Variants in CTDSPL2 observed in about 807,000 individuals in gnomAD.
CTDSPL2 encodes the protein CTD small phosphatase-like protein 2.
A neutral mutation model predicts 60.0 loss-of-function variants in CTDSPL2; 5 were observed. The ratio of observed to expected loss-of-function variants is 0.08; its 90% confidence interval spans 0.04 to 0.18. The LOEUF (loss-of-function observed/expected upper bound fraction) is 0.18. Among genes scored for constraint, CTDSPL2 ranks in the 10% least tolerant of loss-of-function variants. The pLI, the probability that CTDSPL2 is intolerant of heterozygous loss-of-function variation, is 1.00. For synonymous variants in CTDSPL2, 186 were observed against 189.3 expected (o/e 0.98, Z 0.14); for missense variants, 370 against 548.8 (o/e 0.67, Z 3.26).
intron 2 of CTDSPL2, among the ~76,000 whole-genome samples, chr15:44,483,651 TA>T (rs2081069702): frequency 6.6e-6 from 1 of 152,184 alleles, no homozygotes; most frequent in Non-Finnish European, 1.5e-5. Context: ...AAGAATAGTA[TA>T]AACTGGTCAT....
At chr15:44,445,879 C>G (rs2080201747) in intron 1 of CTDSPL2, among the ~76,000 whole-genome samples, 2 of 150,970 alleles carry the variant, frequency 1.3e-5, no homozygotes, top group South Asian at 4.2e-4. Flanking sequence ...CTTCATGATC[C>G]ACCTGCCTCG....
At chr15:44,496,519 T>G in intron 6 of CTDSPL2, 61 bp downstream of exon 6, 1 of 1,259,490 alleles carries the variant, frequency 7.9e-7, no homozygotes, top group Non-Finnish European at 1.2e-6. Context: ...GTACGTTATA[T>G]ATGTGGATTG....
In CTDSPL2 at chr15:44,468,075, G is replaced by A. The variant is rs190976761; in HGVS notation, c.186+8875G>A. 4.5e-3 allele frequency among the ~76,000 whole-genome samples: 683 copies of A among 152,094 alleles called. 4 individuals are homozygous for A. Among genetic ancestry groups the A allele is most frequent in the African/African-American group, 0.016 (649 of 41,486 alleles). On this transcript the variant is annotated intron_variant, in intron 2 of 12. Coordinates refer to ENST00000260327, the MANE Select transcript of CTDSPL2 (RefSeq NM_016396.3). ...AAGCTGGTGCCATAAAACAAGTTGA[G>A]GACTGTTCCTCCTCTTCTGAAAGAG... is the stretch of plus-strand genomic sequence containing the variant.
At chr15:44,452,404 A>G (rs1401948268) in intron 1 of CTDSPL2, among the ~76,000 whole-genome samples, 1 of 152,196 alleles carries the variant, frequency 6.6e-6, no homozygotes, top group East Asian at 1.9e-4. Flanking sequence ...ATTCACTTAC[A>G]TGAAAACACC....
chr15:44,468,027 T>C (rs1212423456), intron 2 of CTDSPL2, among the ~76,000 whole-genome samples: 1 of 152,176 alleles, frequency 6.6e-6, no homozygotes, highest in Non-Finnish European at 1.5e-5. Flanking sequence ...TTTGTAATGT[T>C]TTTAAATTTT....
intron 1 of CTDSPL2, among the ~76,000 whole-genome samples, chr15:44,449,640 T>G (rs1356330925): frequency 1.3e-5 from 2 of 151,806 alleles, no homozygotes; most frequent in African/African-American, 2.4e-5. Context: ...CTCAGTTCAG[T>G]ATAAGGAAGT....
chr15:44,438,031 G>C (rs541450059), intron 1 of CTDSPL2, among the ~76,000 whole-genome samples: 1 of 152,118 alleles, frequency 6.6e-6, no homozygotes, highest in Non-Finnish European at 1.5e-5. Flanking sequence ...TTGGGAGGCC[G>C]AGGCAGGTGG....
intron 2 of CTDSPL2, among the ~76,000 whole-genome samples, chr15:44,479,967 A>G (rs1224989960): frequency 6.6e-6 from 1 of 152,068 alleles, no homozygotes; most frequent in Non-Finnish European, 1.5e-5. Flanking sequence ...GTGTTTTTAA[A>G]TATTGGTGAT....
chr15:44,515,419 C>T (rs80314078), intron 10 of CTDSPL2, among the ~76,000 whole-genome samples: 3 of 152,126 alleles, frequency 2.0e-5, no homozygotes, highest in East Asian at 3.9e-4. Flanking sequence ...GTGGGAGTGC[C>T]GTGGTGATTT....
chr15:44,485,290 C>T (rs532726300), intron 3 of CTDSPL2, among the ~76,000 whole-genome samples: 46 of 152,284 alleles, frequency 3.0e-4, no homozygotes, highest in African/African-American at 1.1e-3. Flanking sequence ...AGAAACTCCT[C>T]AAAGTCAAAA....
chr15:44,470,834 A>T (rs985491221), intron 2 of CTDSPL2, among the ~76,000 whole-genome samples: 4 of 151,982 alleles, frequency 2.6e-5, no homozygotes, highest in Admixed American at 6.6e-5. Context: ...TGTATTCTGG[A>T]TTTGTCCCAT....
chr15:44,504,992 C>T (rs1287639568), intron 8 of CTDSPL2, among the ~76,000 whole-genome samples: 1 of 152,002 alleles, frequency 6.6e-6, no homozygotes, highest in Non-Finnish European at 1.5e-5. Flanking sequence ...ATTTTTTCAT[C>T]ATAATTATTC....
intron 1 of CTDSPL2, among the ~76,000 whole-genome samples, chr15:44,451,599 CCT>C (rs1295651355): frequency 6.6e-6 from 1 of 152,028 alleles, no homozygotes; most frequent in Non-Finnish European, 1.5e-5. Flanking sequence ...AGTTTTTCCC[CCT>C]GAGTTTGGGT....
intron 8 of CTDSPL2, among the ~76,000 whole-genome samples, chr15:44,502,515 T>C (rs1255051366): frequency 1.3e-5 from 2 of 152,184 alleles, no homozygotes; most frequent in African/African-American, 4.8e-5. Context: ...TTTTAGGTTT[T>C]GTGGTCCCTG....
rs3743219 is a variant in CTDSPL2 at position 44,427,835 on chromosome 15, C to T, written c.-25+63C>T. 449 of 396,872 alleles carry T rather than the reference C, an allele frequency of 1.1e-3. 5 individuals are homozygous for T. In the East Asian group the frequency reaches 0.014, roughly 13 times the overall value. 24.6% of individuals were successfully genotyped at this position (396,872 alleles called of 1,614,324 possible). A position where few individuals can be genotyped will look rare whatever the true frequency, so the allele number is the denominator to read the frequency against. The stretch of plus-strand genomic sequence containing the variant: ...TCTCAGTCCTCCTCCTCTTCCAGGG[C>T]CGTCTGCCGGGATCTCCTCCCCTTC... On this transcript the variant is annotated intron_variant, in intron 1 of 12. Coordinates refer to ENST00000260327, the MANE Select transcript of CTDSPL2 (RefSeq NM_016396.3).
chr15:44,438,700 A>G (rs1229719318), intron 1 of CTDSPL2, among the ~76,000 whole-genome samples: 1 of 152,130 alleles, frequency 6.6e-6, no homozygotes, highest in African/African-American at 2.4e-5. Context: ...GTACCAAGTA[A>G]AAGTGTTGAG....
Position 44,506,494 on chromosome 15 carries a change from A to G in CTDSPL2, c.969+6681A>G, listed in dbSNP as rs150436279. Among the ~76,000 whole-genome samples, 29 of 135,710 alleles carry G rather than the reference A, an allele frequency of 2.1e-4. No homozygotes were observed. In the East Asian group the frequency reaches 5.7e-3, roughly 27 times the overall value. 89.0% of individuals were successfully genotyped at this position (135,710 alleles called of 152,430 possible). A position where few individuals can be genotyped will look rare whatever the true frequency, so the allele number is the denominator to read the frequency against. On this transcript the variant is annotated intron_variant, in intron 8 of 12. Transcript: ENST00000260327. ...TGCATTGACACAATCTCTGCTCACT[A>G]TAGCCTCTATCTTCCAGGCTCAAAC...
At chr15:44,435,869 A>G (rs2079970948) in intron 1 of CTDSPL2, among the ~76,000 whole-genome samples, 1 of 151,990 alleles carries the variant, frequency 6.6e-6, no homozygotes, top group Admixed American at 6.6e-5. Context: ...GGCCTCCCAA[A>G]GTGCTGGGAT....
chr15:44,455,711 G>T (rs2080421261), intron 1 of CTDSPL2, among the ~76,000 whole-genome samples: 1 of 152,060 alleles, frequency 6.6e-6, no homozygotes, highest in South Asian at 2.1e-4. Context: ...CTGTTTATAT[G>T]CTGGATTACA....
Sources: allele counts gnomAD v4.1 joint callset (sites outside exome capture counted in the v4.1 genomes callset), GRCh38; gene constraint gnomAD v4.1.1; transcripts MANE v1.5; gene names NCBI Gene and HGNC (gene_info 2026-07-23, HGNC 2026-07-21).